ATP2A1: variants seen among roughly 807,000 people sequenced by gnomAD.
The protein encoded by ATP2A1 is sarcoplasmic/endoplasmic reticulum calcium ATPase 1.
A neutral mutation model predicts 109.5 loss-of-function variants in ATP2A1; 83 were observed. The ratio of observed to expected loss-of-function variants is 0.76; its 90% CI spans 0.63 to 0.91. ATP2A1 has a LOEUF of 0.91. ATP2A1 is among the 40% of genes least tolerant of loss of function. The pLI is 0.00. For synonymous variants in ATP2A1, 505 were observed against 537.6 expected, an observed-to-expected ratio of 0.94 and a Z score of 0.84; for missense variants, 1,101 against 1,341.0, an observed-to-expected ratio of 0.82 and a Z score of 2.80.
intron 4 of ATP2A1, among the ~76,000 whole-genome samples, chr16:28,882,003 T>G (rs1963499963): frequency 6.6e-6 from 1 of 150,938 alleles, no homozygotes; most frequent in Non-Finnish European, 1.5e-5. Context: ...AGTGGCGTAA[T>G]CTCATCTCAC....
At chr16:28,892,970 G>A (rs1199492081) in intron 9 of ATP2A1, among the ~76,000 whole-genome samples, 1 of 152,012 alleles carries the variant, frequency 6.6e-6, no homozygotes, top group Non-Finnish European at 1.5e-5. Flanking sequence ...CTTGAACCCA[G>A]GAGGCGGAGG....
chr16:28,903,808 T>C lies in ATP2A1; in HGVS notation c.*37+67T>C, dbSNP rs570596702. ...TGCCACCCGCGCCCCCTCAGCCCCT[T>C]GCGCGTCGCATCCAAGGTCACTTGT... is the stretch of plus-strand genomic sequence containing the variant. On this transcript the variant is annotated intron_variant, in intron 22 of 22. Transcript: ENST00000395503. This position sits in a 1 kb window ranked among gnomAD's most constrained non-coding sequence, Gnocchi z 5.6. 400 of 1,402,594 alleles carry C rather than the reference T, an allele frequency of 2.9e-4. 4 individuals carry two copies. The South Asian group carries it at 4.4e-3, about 16-fold the overall frequency. The allele number at this position is 1,402,594 out of a possible 1,614,324, so 86.9% of individuals were successfully genotyped here.
chr16:28,903,792 C>T lies in ATP2A1; in HGVS notation c.*37+51C>T, dbSNP rs988171881. On this transcript the variant is annotated intron_variant, in intron 22 of 22. Transcript: ENST00000395503. The surrounding 1 kb of genome is among the most constrained non-coding windows in gnomAD (Gnocchi z 5.6). The stretch of plus-strand genomic sequence containing the variant: ...CCAGCTGCTGTGCCCCTGCCACCCG[C>T]GCCCCCTCAGCCCCTTGCGCGTCGC... 2.0e-5 allele frequency: 31 copies of T among 1,531,752 alleles called. No individual in the cohort carries two copies. Among genetic ancestry groups the T allele is most frequent in the African/African-American group, 5.5e-5 (4 of 73,220 alleles). 94.9% of individuals were successfully genotyped at this position (1,531,752 alleles called of 1,614,324 possible). A position where few individuals can be genotyped will look rare whatever the true frequency, so the allele number is the denominator to read the frequency against.
chr16:28,900,983 A>T, intron 15 of ATP2A1, 67 bp downstream of exon 15: 1 of 1,592,274 alleles, frequency 6.3e-7, no homozygotes, highest in Non-Finnish European at 8.6e-7. Flanking sequence ...TGCTGGGGAG[A>T]GTGGGGCCCA....
At position 28,882,578 on chromosome 16, in the gene ATP2A1, T is replaced by A; in HGVS notation, c.452T>A (p.Val151Glu). 1.2e-6 allele frequency: 2 copies of A among 1,614,120 alleles called. No individual in the cohort carries two copies. The highest frequency in any genetic ancestry group is 1.7e-6 in the Non-Finnish European group (2 of 1,179,998). Residue 151 changes from valine to glutamate, a missense_variant, in exon 5 of 23, where the codon GTG becomes GAG. Val to Glu is a moderately radical substitution (Grantham distance 121). Transcript: ENST00000395503. ...CGGGACATCGTCCCTGGGGACATCG[T>A]GGAGGTGGCTGGTGAGTGACAGGGA... ...KARDIVPGDI[V>E]EVAVGDKVPA... is the part of the protein sequence containing the mutation.
chr16:28,880,166 A>T lies in ATP2A1; in HGVS notation c.219+583A>T. The T allele has an allele frequency of 1.0e-6, 1 of 983,334 alleles. No homozygotes were observed. Among genetic ancestry groups the T allele is most frequent in the Non-Finnish European group, 1.2e-6 (1 of 827,206 alleles). The allele number at this position is 983,334 out of a possible 1,614,324, so 60.9% of individuals were successfully genotyped here. On this transcript the variant is annotated intron_variant, in intron 3 of 22. Coordinates refer to ENST00000395503, the MANE Select transcript of ATP2A1 (RefSeq NM_004320.6). This position sits in a 1 kb window ranked among gnomAD's most constrained non-coding sequence, Gnocchi z 4.2. Reference sequence around the variant, plus strand: ...TAGCCCTTCCCCGCGCTCCCTAGGCACCCCCACCCCCGCAGGGCATCTCCA... The same window carrying T: ...TAGCCCTTCCCCGCGCTCCCTAGGCTCCCCCACCCCCGCAGGGCATCTCCA...
chr16:28,887,999 C>T (rs570901003), intron 8 of ATP2A1, among the ~76,000 whole-genome samples: 7 of 152,064 alleles, frequency 4.6e-5, no homozygotes, highest in Non-Finnish European at 8.8e-5. Context: ...TACGGGGTTT[C>T]ACCGTGTTAG....
chr16:28,883,087 C>T lies in ATP2A1; in HGVS notation c.463+498C>T, dbSNP rs1048418768. 1.3e-5 allele frequency among the ~76,000 whole-genome samples: 2 copies of T among 152,230 alleles called. No individual in the cohort carries two copies. The highest frequency in any genetic ancestry group is 2.9e-5 in the Non-Finnish European group (2 of 68,036). On this transcript the variant is annotated intron_variant, in intron 5 of 22. Transcript: ENST00000395503. This position sits in a 1 kb window ranked among gnomAD's most constrained non-coding sequence, Gnocchi z 5.2. ...TCAGGCCTGGCACAGAGCACGCGACCGGGGAGGAGGGAGCTCAAGGAGGGC... is the reference window on the plus strand; with the variant it reads ...TCAGGCCTGGCACAGAGCACGCGACTGGGGAGGAGGGAGCTCAAGGAGGGC...
chr16:28,887,533 A>AC lies in ATP2A1; in HGVS notation c.744dup (p.Gln250AlafsTer6). 1 of 1,612,836 alleles carries AC rather than the reference A, an allele frequency of 6.2e-7. No homozygotes were observed. The highest frequency in any genetic ancestry group is 8.5e-7 in the Non-Finnish European group (1 of 1,179,756). ...AATGGCTGCCACAGAACAGGACAAG[A>AC]CCCCCTTGCAGCAGAAGCTGGATGA... On this transcript the variant is annotated frameshift_variant, in exon 8 of 23. Coordinates refer to ENST00000395503, the MANE Select transcript of ATP2A1 (RefSeq NM_004320.6). LOFTEE classifies it high-confidence loss of function.
At chr16:28,887,314 C>G (rs762125142) in intron 7 of ATP2A1, 40 bp downstream of exon 7, 1 of 1,613,046 alleles carries the variant, frequency 6.2e-7, no homozygotes, top group Non-Finnish European at 8.5e-7. Context: ...CTCAGTCAAG[C>G]CAGGTGCCCG....
Position 28,903,821 on chromosome 16 carries a change from C to A in ATP2A1, c.*37+80C>A, listed in dbSNP as rs1030636959. ...CCCTCAGCCCCTTGCGCGTCGCATC[C>A]AAGGTCACTTGTGCTCGCAGCTCCA... On this transcript the variant is annotated intron_variant, in intron 22 of 22. Transcript: ENST00000395503. This position sits in a 1 kb window ranked among gnomAD's most constrained non-coding sequence, Gnocchi z 5.6. The A allele has an allele frequency of 6.0e-6, 8 of 1,323,684 alleles. No individual in the cohort carries two copies. Among genetic ancestry groups the A allele is most frequent in the Non-Finnish European group, 7.6e-6 (7 of 917,326 alleles). The allele number at this position is 1,323,684 out of a possible 1,614,324, so 82.0% of individuals were successfully genotyped here. A position where few individuals can be genotyped will look rare whatever the true frequency, so the allele number is the denominator to read the frequency against.
At chr16:28,882,100 CTTTTTTTTT>C (rs778416146) in intron 4 of ATP2A1, among the ~76,000 whole-genome samples, 5 of 90,412 alleles carry the variant, frequency 5.5e-5, no homozygotes, top group East Asian at 3.1e-4. Context: ...CTACGCCCGG[CTTTTTTTTT>C]TTTTTTTTTT....
chr16:28,895,915 T>C (rs1232386320), intron 12 of ATP2A1, among the ~76,000 whole-genome samples: 1 of 152,172 alleles, frequency 6.6e-6, no homozygotes, highest in African/African-American at 2.4e-5. Context: ...GAGGACTAAT[T>C]TTTAAAATTT....
In ATP2A1 at chr16:28,887,613, T is replaced by C; in HGVS notation, c.819T>C (p.Leu273=). The C allele has an allele frequency of 1.2e-6, 2 of 1,614,056 alleles. No individual in the cohort carries two copies. Among genetic ancestry groups the C allele is most frequent in the Non-Finnish European group, 8.5e-7 (1 of 1,179,990 alleles). The change falls in exon 8 of 23, where the codon CTT becomes CTC. Residue 273 remains leucine (L), a synonymous_variant. Transcript: ENST00000395503. ...CCCTCATCTGTGTGGCTGTCTGGCT[T>C]ATCAACATTGGCCACTTCAACGACC... The part of the protein sequence containing the change: ...VISLICVAVW[L]INIGHFNDPV...
In ATP2A1 at chr16:28,900,844, C is replaced by T. The variant is rs140078242; in HGVS notation, c.2028C>T (p.Phe676=). The change falls in exon 15 of 23, where the codon TTC becomes TTT. Residue 676 remains phenylalanine (F), a synonymous_variant. Coordinates refer to ENST00000395503, the MANE Select transcript of ATP2A1 (RefSeq NM_004320.6). ...QREACRRACC[F]ARVEPSHKSK... is the part of the protein sequence containing the mutation. ...AAGCCTGCCGACGTGCCTGCTGCTT[C>T]GCCCGTGTGGAGCCCTCGCACAAGT... The T allele has an allele frequency of 2.7e-5, 44 of 1,614,218 alleles. No homozygotes were observed. The East Asian group carries it at 6.7e-4, about 25-fold the overall frequency.
At chr16:28,893,683 CTT>C (rs1567486303) in intron 9 of ATP2A1, among the ~76,000 whole-genome samples, 5 of 128,874 alleles carry the variant, frequency 3.9e-5, no homozygotes, top group South Asian at 2.4e-4. Flanking sequence ...GAGTTTGGCT[CTT>C]GTCGCCCAGG....
Position 28,884,627 on chromosome 16 carries a change from G to A in ATP2A1, c.516G>A (p.Thr172=), listed in dbSNP as rs202155490. The change falls in exon 6 of 23, where the codon ACG becomes ACA. Residue 172 remains threonine (T), a synonymous_variant. Coordinates refer to ENST00000395503, the MANE Select transcript of ATP2A1 (RefSeq NM_004320.6). Reference sequence around the variant, plus strand: ...GAATCCTCGCCATCAAATCCACCACGCTGCGGGTTGACCAGTCCATCCTGA... The same window carrying A: ...GAATCCTCGCCATCAAATCCACCACACTGCGGGTTGACCAGTCCATCCTGA... ...DIRILAIKST[T]LRVDQSILTG... is the part of the protein sequence containing the mutation. 1.2e-5 allele frequency: 19 copies of A among 1,613,720 alleles called. No homozygotes were observed. Among genetic ancestry groups the A allele is most frequent in the African/African-American group, 2.7e-5 (2 of 74,998 alleles).
At chr16:28,901,782 C>A (rs2152214199) in intron 15 of ATP2A1, 81 bp from the exon 16 acceptor site, 1 of 1,245,028 alleles carries the variant, frequency 8.0e-7, no homozygotes, top group Non-Finnish European at 1.1e-6. Flanking sequence ...CAGAGTGAGA[C>A]CTCATCCCTA....
At position 28,903,186 on chromosome 16, in the gene ATP2A1, T is replaced by C; in HGVS notation, c.2862+39T>C. On this transcript the variant is annotated intron_variant, in intron 20 of 22. Transcript: ENST00000395503. The surrounding 1 kb of genome is among the most constrained non-coding windows in gnomAD (Gnocchi z 5.6). ...CGCCCAGGGCCGCCCACCCCAGCAC[T>C]GGGGAGCCCACGGCGGGCCCATGAC... The C allele has an allele frequency of 6.2e-7, 1 of 1,607,888 alleles. No individual in the cohort carries two copies. The highest frequency in any genetic ancestry group is 1.1e-5 in the South Asian group (1 of 90,968).
Sources: gnomAD v4.1 joint callset for allele counts (sites outside exome capture counted in the v4.1 genomes callset) on GRCh38, gnomAD v4.1.1 for gene constraint, Gnocchi (gnomAD v3.1) non-coding constraint, MANE v1.5 for transcripts, NCBI Gene and HGNC (gene_info 2026-07-23, HGNC 2026-07-21) for gene names.